The following TACC2 variants were observed in gnomAD, a reference collection of about 807,000 sequenced individuals.
TACC2 encodes transforming acidic coiled-coil containing protein 2.
Under a neutral mutation model 227.3 loss-of-function variants are expected in TACC2, and 137 were observed. That is an observed-to-expected ratio of 0.60 (90% CI 0.52 to 0.69). TACC2 has a LOEUF of 0.69. Among genes scored for constraint, TACC2 ranks in the 30% least tolerant of loss-of-function variants. The probability of loss-of-function intolerance (pLI) is 0.00; values close to 1 mark genes in which losing one functional copy is unlikely to be tolerated. For synonymous variants in TACC2, 1,523 were observed against 1,487.5 expected (o/e 1.02, Z -0.55); for missense variants, 3,470 against 3,694.4 (o/e 0.94, Z 1.57).
At chr10:122,031,436 G>A (rs2943759) in intron 2 of TACC2, among the ~76,000 whole-genome samples, 23,850 of 129,700 alleles carry the variant, frequency 0.18, 2,541 homozygotes, top group African/African-American at 0.32. Flanking sequence ...ATGGAGTCTC[G>A]CTCTGTCACC....
At chr10:122,208,800 G>A (rs1013559511) in intron 8 of TACC2, among the ~76,000 whole-genome samples, 1 of 152,220 alleles carries the variant, frequency 6.6e-6, no homozygotes, top group Admixed American at 6.5e-5. Flanking sequence ...GGTCTTACCT[G>A]TGCCAGCTCC....
chr10:122,200,191 T>C (rs919015722), intron 8 of TACC2, among the ~76,000 whole-genome samples: 1 of 152,204 alleles, frequency 6.6e-6, no homozygotes, highest in Admixed American at 6.5e-5. Flanking sequence ...GAGATTCTGA[T>C]GCAGTCCAGG....
rs371668678 is a variant in TACC2, at chr10:122,007,955, T to C, written c.-45-13982T>C. The stretch of plus-strand genomic sequence containing the variant: ...TTTGGCGTACTCTAGCCTCTTGCCA[T>C]GTGATGCCTCTGACCACCTCAGGAC... On this transcript the variant is annotated intron_variant, in intron 1 of 22. Transcript: ENST00000369005. Among the ~76,000 whole-genome samples the C allele has an allele frequency of 9.2e-5, 14 of 152,292 alleles. No homozygotes were observed. The East Asian group carries it at 2.7e-3, about 29-fold the overall frequency.
intron 3 of TACC2, among the ~76,000 whole-genome samples, chr10:122,053,555 A>G (rs568604845): frequency 5.1e-4 from 77 of 152,148 alleles, no homozygotes; most frequent in Admixed American, 1.3e-3. Flanking sequence ...GATGCCAGTG[A>G]CCACACTGCC....
chr10:122,252,739 C>A (rs1172667656), intron 22 of TACC2, among the ~76,000 whole-genome samples: 1 of 152,150 alleles, frequency 6.6e-6, no homozygotes, highest in Non-Finnish European at 1.5e-5. Context: ...GTGATCCACC[C>A]GCCTCGGCCT....
chr10:122,005,149 C>T (rs183535836), intron 1 of TACC2, among the ~76,000 whole-genome samples: 448 of 150,140 alleles, frequency 3.0e-3, no homozygotes, highest in Non-Finnish European at 4.6e-3. Flanking sequence ...TGGTGCAATC[C>T]GGGCTCACTG....
intron 7 of TACC2, chr10:122,163,992 T>C (rs757017069): frequency 1.3e-6 from 2 of 1,581,446 alleles, no homozygotes; most frequent in East Asian, 2.4e-5. Context: ...TCCGAGGCAA[T>C]GTAAGTGCTC....
At chr10:122,217,031 C>A in intron 11 of TACC2, 3 of 1,085,432 alleles carry the variant, frequency 2.8e-6, no homozygotes, top group Non-Finnish European at 3.9e-6. Context: ...TCCCTTGACC[C>A]AAGACTCCTG....
chr10:122,030,620 C>A (rs1407768728), intron 2 of TACC2, among the ~76,000 whole-genome samples: 1 of 151,992 alleles, frequency 6.6e-6, no homozygotes, highest in African/African-American at 2.4e-5. Flanking sequence ...AGTCTTCATT[C>A]TCCTTGAGTG....
Position 122,021,996 on chromosome 10 carries a change from C to G in TACC2, c.15C>G (p.Asn5Lys). 1.2e-6 allele frequency: 2 copies of G among 1,614,106 alleles called. No homozygotes were observed. The highest frequency in any genetic ancestry group is 1.7e-6 in the Non-Finnish European group (2 of 1,179,990). The change falls in exon 2 of 23, where the codon AAC becomes AAG. Residue 5 changes from asparagine to lysine, a missense_variant. By Grantham distance (94) the Asn-to-Lys change is moderately conservative (BLOSUM62 0). Transcript: ENST00000369005. MGNE[N>K]STSDNQRTLS... The stretch of plus-strand genomic sequence containing the variant: ...ACTGAATCAACATGGGCAATGAGAA[C>G]AGCACCTCGGACAACCAGGTGGGTG...
rs779388403 is a variant in TACC2, at chr10:122,229,396, A to G, written c.7947A>G (p.Leu2649=). 1.2e-6 allele frequency: 2 copies of G among 1,613,682 alleles called. No individual in the cohort carries two copies. The highest frequency in any genetic ancestry group is 1.7e-6 in the Non-Finnish European group (2 of 1,179,944). The part of the protein sequence containing the change: ...FASADALLSR[L]AHPVSLCGAL... The stretch of plus-strand genomic sequence containing the variant: ...CTGCTGACGCCCTCCTCAGCAGGCT[A>G]GCTCACCCCGTCTCTCTCTGTGGTG... Residue 2649 remains leucine (L), a synonymous_variant, in exon 15 of 23, where the codon CTA becomes CTG. Coordinates refer to ENST00000369005, the MANE Select transcript of TACC2 (RefSeq NM_206862.4).
At position 122,087,720 on chromosome 10, in the gene TACC2, G is replaced by C; in HGVS notation, c.5220G>C (p.Leu1740Phe). The change falls in exon 4 of 23, where the codon TTG becomes TTC. Residue 1740 changes from leucine to phenylalanine, a missense_variant. Transcript: ENST00000369005. The stretch of plus-strand genomic sequence containing the variant: ...CATTCTCCGTTGTGGCAGGTGACTT[G>C]GTGCTGCCAGGAAGCTGTCAGGACC... ...TRTFSVVAGD[L>F]VLPGSCQDPA... 1 of 1,612,174 alleles carries C rather than the reference G, an allele frequency of 6.2e-7. No individual in the cohort carries two copies.
chr10:122,170,257 T>C (rs113035469), intron 7 of TACC2, among the ~76,000 whole-genome samples: 12,862 of 134,132 alleles, frequency 0.096, 672 homozygotes, highest in Middle Eastern at 0.16. Context: ...AACCTGATGA[T>C]CAAGTCTTTT....
chr10:122,224,650 A>T, intron 11 of TACC2, 76 bp from the exon 12 acceptor site: 2 of 1,365,374 alleles, frequency 1.5e-6, no homozygotes, highest in South Asian at 2.4e-5. Context: ...CCTGGCTCAG[A>T]TCTTCCCATT....
chr10:122,195,596 A>AGATCATG lies in TACC2; in HGVS notation c.5971+422_5971+428dup, dbSNP rs1467649779. On this transcript the variant is annotated intron_variant, in intron 8 of 22. Transcript: ENST00000369005. Reference sequence around the variant, plus strand: ...GGATAGAGAGGTAGACATTCACAGCAGATCATGGTGGTTTGTTTATTCCTC... The same window carrying AGATCATG: ...GGATAGAGAGGTAGACATTCACAGCAGATCATGGATCATGGTGGTTTGTTTATTCCTC... 2.0e-5 allele frequency among the ~76,000 whole-genome samples: 3 copies of AGATCATG among 152,218 alleles called. No individual in the cohort carries two copies. In the East Asian group the frequency reaches 5.8e-4, roughly 29 times the overall value.
At chr10:122,013,927 G>A (rs999671370) in intron 1 of TACC2, among the ~76,000 whole-genome samples, 9 of 152,148 alleles carry the variant, frequency 5.9e-5, no homozygotes, top group African/African-American at 2.2e-4. Context: ...TTTGGAGAGG[G>A]TGGTCTTCAA....
chr10:122,236,984 T>G (rs150132642), intron 16 of TACC2, among the ~76,000 whole-genome samples: 110 of 152,346 alleles, frequency 7.2e-4, no homozygotes, highest in African/African-American at 2.2e-3. Flanking sequence ...TATTCAAAAC[T>G]AGGAAAACAT....
At chr10:122,120,465 G>T (rs2421004) in intron 5 of TACC2, among the ~76,000 whole-genome samples, 2 of 151,996 alleles carry the variant, frequency 1.3e-5, no homozygotes, top group Admixed American at 6.5e-5. Context: ...CACCGCGGGT[G>T]CCCTGGCTGG....
At chr10:122,153,525 G>A (rs1213169958) in intron 7 of TACC2, among the ~76,000 whole-genome samples, 4 of 152,126 alleles carry the variant, frequency 2.6e-5, no homozygotes, top group East Asian at 1.9e-4. Context: ...TGCAGACCTC[G>A]GGTTTCGAGT....
Sources: allele counts gnomAD v4.1 joint callset (sites outside exome capture counted in the v4.1 genomes callset), GRCh38; gene constraint gnomAD v4.1.1; transcripts MANE v1.5; gene names NCBI Gene and HGNC (gene_info 2026-07-23, HGNC 2026-07-21).